CSMD1: variants seen among roughly 807,000 people sequenced by gnomAD.
The protein encoded by CSMD1 is CUB and sushi domain-containing protein 1.
In CSMD1, 213 loss-of-function variants were observed where a neutral mutation model predicts 417.5. The observed-to-expected ratio is 0.51, with a 90% CI of 0.46 to 0.57. The LOEUF is 0.57. Among genes scored for constraint, CSMD1 ranks in the 20% least tolerant of loss-of-function variants. CSMD1 has a pLI of 0.00. For missense variants in CSMD1, 6,923 were observed against 4,529.7 expected (o/e 1.53, Z -15.17); for synonymous variants, 2,862 against 1,736.8 (o/e 1.65, Z -16.11).
intron 1 of CSMD1, among the ~76,000 whole-genome samples, chr8:4,872,602 C>G (rs989770570): frequency 2.0e-5 from 3 of 152,018 alleles, no homozygotes; most frequent in Non-Finnish European, 2.9e-5. Context: ...TATAAATTAC[C>G]CAGTCTCAGG....
chr8:4,482,155 G>T (rs1482503910), intron 2 of CSMD1, among the ~76,000 whole-genome samples: 1 of 152,136 alleles, frequency 6.6e-6, no homozygotes, highest in Admixed American at 6.5e-5. Flanking sequence ...AAGTAAACTT[G>T]TGTCATGGGG....
intron 10 of CSMD1, among the ~76,000 whole-genome samples, chr8:3,555,959 C>G (rs1799123297): frequency 6.6e-6 from 1 of 152,072 alleles, no homozygotes; most frequent in Non-Finnish European, 1.5e-5. Flanking sequence ...CTGGTTCTCC[C>G]AATGTTAAAT....
intron 1 of CSMD1, among the ~76,000 whole-genome samples, chr8:4,954,807 A>C (rs529008778): frequency 8.5e-5 from 13 of 152,264 alleles, no homozygotes; most frequent in Non-Finnish European, 5.9e-5. Flanking sequence ...ACTTTAAGAA[A>C]AAAATTCTCA....
intron 2 of CSMD1, among the ~76,000 whole-genome samples, chr8:4,450,187 G>A (rs560354780): frequency 6.6e-6 from 1 of 152,166 alleles, no homozygotes; most frequent in African/African-American, 2.4e-5. Context: ...ACCGAACTGG[G>A]CAACAATTGA....
chr8:4,255,444 A>T (rs1803387591), intron 3 of CSMD1, among the ~76,000 whole-genome samples: 1 of 152,234 alleles, frequency 6.6e-6, no homozygotes, highest in African/African-American at 2.4e-5. Flanking sequence ...ACTTACTTTG[A>T]AATAATATAA....
chr8:3,840,107 G>A (rs893779788), intron 5 of CSMD1, among the ~76,000 whole-genome samples: 5 of 152,098 alleles, frequency 3.3e-5, no homozygotes, highest in African/African-American at 9.6e-5. Flanking sequence ...TTTCTTAATT[G>A]TTAAAAAGAC....
At chr8:4,505,334 G>A (rs375984600) in intron 2 of CSMD1, among the ~76,000 whole-genome samples, 417 of 152,126 alleles carry the variant, frequency 2.7e-3, no homozygotes, top group African/African-American at 9.7e-3. Flanking sequence ...CTGAAAATAA[G>A]TAAACAATTT....
At chr8:3,735,598 A>G (rs920857474) in intron 6 of CSMD1, among the ~76,000 whole-genome samples, 1 of 152,132 alleles carries the variant, frequency 6.6e-6, no homozygotes, top group Admixed American at 6.5e-5. Context: ...TGACTTCACT[A>G]CTCATTTAAC....
intron 5 of CSMD1, among the ~76,000 whole-genome samples, chr8:3,815,567 T>C (rs1947910): frequency 0.66 from 100,531 of 151,622 alleles, 33,762 homozygotes; most frequent in Middle Eastern, 0.71. Flanking sequence ...GAAAAAATAC[T>C]GCTTTGAAAT....
chr8:4,454,752 G>C (rs577254857), intron 2 of CSMD1, among the ~76,000 whole-genome samples: 1 of 152,252 alleles, frequency 6.6e-6, no homozygotes, highest in South Asian at 2.1e-4. Flanking sequence ...GTTTAGAAAG[G>C]AAGAATGTCT....
intron 3 of CSMD1, among the ~76,000 whole-genome samples, chr8:4,348,541 A>C (rs185060080): frequency 6.7e-6 from 1 of 148,372 alleles, no homozygotes; most frequent in Admixed American, 6.7e-5. Context: ...TGTATCACAA[A>C]TAAAAGTGTG....
At chr8:4,531,557 A>C (rs911074349) in intron 2 of CSMD1, among the ~76,000 whole-genome samples, 4 of 152,138 alleles carry the variant, frequency 2.6e-5, no homozygotes, top group African/African-American at 7.2e-5. Flanking sequence ...CTACATGTTA[A>C]AGTGTTTTGC....
At chr8:3,656,603 T>A (rs1798123301) in intron 7 of CSMD1, among the ~76,000 whole-genome samples, 1 of 152,190 alleles carries the variant, frequency 6.6e-6, no homozygotes, top group Non-Finnish European at 1.5e-5. Flanking sequence ...TACTCTCCTT[T>A]CTTCCTTGCT....
At chr8:4,258,261 G>A (rs1259536416) in intron 3 of CSMD1, among the ~76,000 whole-genome samples, 2 of 143,168 alleles carry the variant, frequency 1.4e-5, no homozygotes, top group Admixed American at 7.1e-5. Flanking sequence ...TATCTTAAAG[G>A]CCTGTCGCTG....
chr8:3,599,151 C>CTCTGTG (rs1554483035), intron 8 of CSMD1, among the ~76,000 whole-genome samples: 5 of 119,890 alleles, frequency 4.2e-5, no homozygotes, highest in African/African-American at 1.7e-4. Flanking sequence ...GTGTGTGTGT[C>CTCTGTG]TGTGTGTGTG....
At chr8:3,128,035 G>T (rs1021506050) in intron 41 of CSMD1, 6 of 152,018 alleles carry the variant, frequency 3.9e-5, no homozygotes, top group African/African-American at 1.4e-4. Flanking sequence ...AAAAGAAAAG[G>T]AAGTCACTAA....
At chr8:3,572,840 T>C (rs1054809949) in intron 10 of CSMD1, among the ~76,000 whole-genome samples, 3 of 152,210 alleles carry the variant, frequency 2.0e-5, no homozygotes, top group African/African-American at 2.4e-5. Flanking sequence ...ACTCAATTGT[T>C]CAGCTATTTC....
chr8:4,289,115 A>G lies in CSMD1; in HGVS notation c.415+130838T>C, dbSNP rs112925565. Among the ~76,000 whole-genome samples the G allele has an allele frequency of 3.4e-3, 522 of 152,326 alleles. 2 individuals carry two copies. The highest frequency in any genetic ancestry group is 0.012 in the African/African-American group (492 of 41,588). ...TGTAACAGCAAAAGAAAAATTTTAC[A>G]AAATGAATTAACTAGTTACAGTTCT... On this transcript the variant is annotated intron_variant, in intron 3 of 69. Transcript: ENST00000635120.
At chr8:3,278,730 A>G (rs886990725) in intron 26 of CSMD1, 1 of 152,112 alleles carries the variant, frequency 6.6e-6, no homozygotes, top group Non-Finnish European at 1.5e-5. Context: ...TCCCACCTAC[A>G]AAAGAGTAGT....
Sources: allele counts gnomAD v4.1 joint callset (sites outside exome capture counted in the v4.1 genomes callset), GRCh38; gene constraint gnomAD v4.1.1; transcripts MANE v1.5; gene names NCBI Gene and HGNC (gene_info 2026-07-23, HGNC 2026-07-21).